ANKFN1: variants seen among roughly 807,000 people sequenced by gnomAD.
The protein encoded by ANKFN1 is ankyrin repeat and fibronectin type-III domain-containing protein 1.
A neutral mutation model predicts 108.7 loss-of-function variants in ANKFN1; 74 were observed. That is an observed-to-expected ratio of 0.68 (90% CI 0.56 to 0.83). ANKFN1 has a LOEUF of 0.83. ANKFN1 is among the 40% of genes least tolerant of loss of function. The pLI is 0.00. For synonymous variants in ANKFN1, 547 were observed against 516.2 expected, an observed-to-expected ratio of 1.06 and a Z score of -0.81; for missense variants, 1,505 against 1,382.3, an observed-to-expected ratio of 1.09 and a Z score of -1.41.
chr17:56,296,182 C>G (rs941642207), intron 3 of ANKFN1, among the ~76,000 whole-genome samples: 23 of 151,886 alleles, frequency 1.5e-4, no homozygotes, highest in African/African-American at 5.3e-4. Context: ...TCCCTGTGAT[C>G]TGAGTACGGA....
At chr17:56,504,849 T>G (rs1011738695) in intron 20 of ANKFN1, among the ~76,000 whole-genome samples, 2 of 150,782 alleles carry the variant, frequency 1.3e-5, no homozygotes. Context: ...TTTTTTTTTT[T>G]TTTAGTAAAC....
Position 56,372,838 on chromosome 17 carries a change from C to T in ANKFN1, c.794C>T (p.Ala265Val), listed in dbSNP as rs778618702. ...YRRMKTGFEH[A>V]RAPEMPTNVC... ...CGCATGAAAACAGGCTTTGAGCATG[C>T]CAGTGAGTATAAGCAGAAAATGTCT... is the stretch of plus-strand genomic sequence containing the variant. Residue 265 changes from alanine to valine, a missense_variant and splice_region_variant, in exon 7 of 21, where the codon GCC becomes GTC. Transcript: ENST00000682825. 2.5e-6 allele frequency: 4 copies of T among 1,611,758 alleles called. No individual in the cohort carries two copies. The highest frequency in any genetic ancestry group is 2.5e-6 in the Non-Finnish European group (3 of 1,179,298).
At chr17:56,050,812 A>G (rs953648188) in intron 4 of ANKFN1, among the ~76,000 whole-genome samples, 1 of 152,154 alleles carries the variant, frequency 6.6e-6, no homozygotes, top group African/African-American at 2.4e-5. Context: ...AAACTAGAAA[A>G]TCTAGAAGAA....
intron 11 of ANKFN1, among the ~76,000 whole-genome samples, chr17:56,451,443 C>G (rs1175198452): frequency 6.6e-6 from 1 of 152,070 alleles, no homozygotes; most frequent in Non-Finnish European, 1.5e-5. Context: ...CAGAGAATTA[C>G]AAATTTTTTT....
chr17:56,479,904 A>G (rs1237008231), intron 16 of ANKFN1, among the ~76,000 whole-genome samples: 1 of 152,226 alleles, frequency 6.6e-6, no homozygotes, highest in Non-Finnish European at 1.5e-5. Flanking sequence ...ACCTGTGGAA[A>G]CAATGTTGCC....
At chr17:56,467,687 A>AG (rs1232565735) in intron 15 of ANKFN1, among the ~76,000 whole-genome samples, 71 of 150,586 alleles carry the variant, frequency 4.7e-4, no homozygotes, top group African/African-American at 1.6e-3. Context: ...AAAAAAAAAA[A>AG]AAAGAAAGAA....
chr17:56,211,574 G>A (rs1298071891), intron 1 of ANKFN1, among the ~76,000 whole-genome samples: 4 of 152,066 alleles, frequency 2.6e-5, no homozygotes, highest in Non-Finnish European at 5.9e-5. Flanking sequence ...GTTTAGTCTT[G>A]CTTTGGCTAT....
intron 4 of ANKFN1, among the ~76,000 whole-genome samples, chr17:56,101,945 T>C (rs1381725204): frequency 1.3e-5 from 2 of 152,178 alleles, no homozygotes; most frequent in Non-Finnish European, 1.5e-5. Context: ...ACAGTAATGT[T>C]TGAGAAGCAA....
At chr17:56,504,828 G>GT (rs2051497360) in intron 20 of ANKFN1, among the ~76,000 whole-genome samples, 1 of 110,196 alleles carries the variant, frequency 9.1e-6, no homozygotes, top group African/African-American at 3.3e-5. Flanking sequence ...CTAATTTTTG[G>GT]ATTTTTTTTT....
intron 3 of ANKFN1, among the ~76,000 whole-genome samples, chr17:56,312,363 A>C (rs538730825): frequency 6.6e-6 from 1 of 152,266 alleles, no homozygotes; most frequent in South Asian, 2.1e-4. Flanking sequence ...CTAGACCCAG[A>C]GTATAAAAGA....
At chr17:56,278,857 G>A (rs534334990) in intron 3 of ANKFN1, among the ~76,000 whole-genome samples, 1 of 152,290 alleles carries the variant, frequency 6.6e-6, no homozygotes, top group South Asian at 2.1e-4. Flanking sequence ...GCCTTGAAGT[G>A]ATAAAAACTG....
intron 4 of ANKFN1, among the ~76,000 whole-genome samples, chr17:56,102,695 G>T (rs778381341): frequency 6.6e-6 from 1 of 152,012 alleles, no homozygotes; most frequent in Non-Finnish European, 1.5e-5. Context: ...CATGACTGAG[G>T]TGTGCATGCA....
chr17:56,450,929 C>G (rs1209365011), intron 11 of ANKFN1, among the ~76,000 whole-genome samples: 1 of 152,180 alleles, frequency 6.6e-6, no homozygotes, highest in Non-Finnish European at 1.5e-5. Context: ...CATCCAACTT[C>G]TGTCATGTAT....
intron 19 of ANKFN1, among the ~76,000 whole-genome samples, chr17:56,495,391 C>A (rs1384615933): frequency 2.0e-5 from 3 of 152,056 alleles, no homozygotes; most frequent in African/African-American, 7.2e-5. Context: ...GCCACTCACC[C>A]ATTGGTGTTC....
chr17:56,424,570 T>C (rs535640658), intron 8 of ANKFN1, among the ~76,000 whole-genome samples: 3 of 152,360 alleles, frequency 2.0e-5, no homozygotes, highest in African/African-American at 7.2e-5. Context: ...AGTAGACAGT[T>C]AGCCCCAGTC....
chr17:56,326,292 T>C lies in ANKFN1; in HGVS notation c.125T>C (p.Leu42Ser). ...HRRKQSQCDL[L>S]NESTGQLPTT... The stretch of plus-strand genomic sequence containing the variant: ...AGAAAGCAAAGCCAATGTGATTTAT[T>C]GAATGAAAGCACTGGACAATTACCA... Residue 42 changes from leucine (L) to serine (S), a missense_variant, in exon 4 of 21, where the codon TTG (leucine) becomes TCG (serine). Coordinates refer to ENST00000682825, the MANE Select transcript of ANKFN1 (RefSeq NM_001370326.1). The C allele has an allele frequency of 1.2e-6, 2 of 1,614,062 alleles. No individual in the cohort carries two copies. Among genetic ancestry groups the C allele is most frequent in the South Asian group, 2.2e-5 (2 of 91,064 alleles).
intron 4 of ANKFN1, among the ~76,000 whole-genome samples, chr17:56,072,255 A>G (rs6505032): frequency 0.68 from 103,819 of 152,016 alleles, 35,979 homozygotes; most frequent in Middle Eastern, 0.76. Flanking sequence ...ATTGGCTTCT[A>G]GTTTACTGAT....
chr17:56,458,868 C>T (rs1425099572), intron 14 of ANKFN1, among the ~76,000 whole-genome samples: 1 of 151,816 alleles, frequency 6.6e-6, no homozygotes, highest in Admixed American at 6.6e-5. Context: ...AATAAAGTCA[C>T]AATAACAAAA....
At chr17:56,387,690 A>G (rs1371886121) in intron 8 of ANKFN1, among the ~76,000 whole-genome samples, 1 of 152,156 alleles carries the variant, frequency 6.6e-6, no homozygotes, top group African/African-American at 2.4e-5. Flanking sequence ...TTTTTCCTTA[A>G]AATATTCGTC....
Sources: gnomAD v4.1 joint callset for allele counts (sites outside exome capture counted in the v4.1 genomes callset) on GRCh38, gnomAD v4.1.1 for gene constraint, MANE v1.5 for transcripts, NCBI Gene and HGNC (gene_info 2026-07-23, HGNC 2026-07-21) for gene names.